SH3BP5: variants seen among roughly 807,000 people sequenced by gnomAD.
The protein encoded by SH3BP5 is SH3 domain-binding protein 5.
Under a neutral mutation model 43.3 loss-of-function variants are expected in SH3BP5, and 22 were observed. The ratio of observed to expected loss-of-function variants is 0.51; its 90% confidence interval spans 0.36 to 0.73. SH3BP5 has a LOEUF of 0.73. Among genes scored for constraint, SH3BP5 ranks in the 30% least tolerant of loss-of-function variants. The pLI is 0.00. For missense variants in SH3BP5, 529 were observed against 586.9 expected (o/e 0.90, Z 1.02); for synonymous variants, 255 against 225.8 (o/e 1.13, Z -1.16).
chr3:15,316,224 T>TTTA (rs1698181812), intron 2 of SH3BP5, among the ~76,000 whole-genome samples: 1 of 142,792 alleles, frequency 7.0e-6, no homozygotes, highest in Admixed American at 6.9e-5. Context: ...ACTCGCTTTT[T>TTTA]TTTTTTTTTT....
At chr3:15,327,603 C>T (rs191545127) in intron 2 of SH3BP5, among the ~76,000 whole-genome samples, 3 of 152,296 alleles carry the variant, frequency 2.0e-5, no homozygotes, top group African/African-American at 7.2e-5. Context: ...CTTACTGTAG[C>T]TATTACCACC....
intron 3 of SH3BP5, among the ~76,000 whole-genome samples, chr3:15,277,961 C>T (rs192722505): frequency 0.012 from 1,793 of 152,202 alleles, 20 homozygotes; most frequent in Non-Finnish European, 0.015. Flanking sequence ...GCAGGCTCTG[C>T]GTGAGGTGAG....
At chr3:15,333,627 A>G (rs538984829), upstream of SH3BP5, among the ~76,000 whole-genome samples, 2 of 152,316 alleles carry the variant, frequency 1.3e-5, no homozygotes, top group East Asian at 3.9e-4. Context: ...CAATACAGCC[A>G]GACCCCTTCT....
chr3:15,259,840 T>A, intron 5 of SH3BP5, 37 bp from the exon 6 acceptor site: 1 of 1,598,674 alleles, frequency 6.3e-7, no homozygotes, highest in Non-Finnish European at 8.6e-7. Flanking sequence ...CAGAGTAATA[T>A]AATACAGTGA....
In SH3BP5 at chr3:15,332,336, C is replaced by T; in HGVS notation, c.73G>A (p.Glu25Lys). 1 of 1,544,158 alleles carries T rather than the reference C, an allele frequency of 6.5e-7. No individual in the cohort carries two copies. ...TGCTCCATCCCCTCTTCCTCCTCCT[C>T]CTCCTCGTCCCGGGCAGGCGGCAGG... Reference protein sequence around the residue: ...EILPPARDEEEEEEEGMEQGL... With the variant: ...EILPPARDEEKEEEEGMEQGL... Residue 25 changes from glutamate to lysine, a missense_variant, in exon 1 of 9, where the codon GAG (glutamate) becomes AAG (lysine). Glu to Lys is a moderately conservative substitution (Grantham distance 56). This residue lies in a region of SH3BP5 where 75 missense variants were observed against 61.8 expected (regional missense o/e 1.21). Coordinates refer to ENST00000383791, the MANE Select transcript of SH3BP5 (RefSeq NM_004844.5).
chr3:15,273,964 C>T (rs980048760), intron 3 of SH3BP5, among the ~76,000 whole-genome samples: 1 of 152,152 alleles, frequency 6.6e-6, no homozygotes. Flanking sequence ...ACCTATGGGC[C>T]GGGCATGGTG....
At chr3:15,294,298 T>TGC (rs2125098281) in intron 3 of SH3BP5, among the ~76,000 whole-genome samples, 1 of 130,222 alleles carries the variant, frequency 7.7e-6, no homozygotes, top group South Asian at 2.3e-4. Context: ...TAAGTGTGTG[T>TGC]GTGTGTGTGT....
upstream of SH3BP5, among the ~76,000 whole-genome samples, chr3:15,334,732 C>T (rs1302179828): frequency 6.6e-6 from 1 of 152,022 alleles, no homozygotes. Context: ...GGGTGGGTTG[C>T]TTGAGCTCAG....
chr3:15,296,718 G>T (rs1219823019), intron 3 of SH3BP5, among the ~76,000 whole-genome samples: 1 of 91,584 alleles, frequency 1.1e-5, no homozygotes. Flanking sequence ...TTTTGAGACA[G>T]GGTCTCACTC....
chr3:15,259,825 G>A, intron 5 of SH3BP5, 22 bp from the exon 6 acceptor site: 1 of 1,607,864 alleles, frequency 6.2e-7, no homozygotes, highest in Non-Finnish European at 8.5e-7. Flanking sequence ...AGGAAGGAAA[G>A]CCATCAGAGT....
At chr3:15,306,958 C>A (rs1006616734) in intron 2 of SH3BP5, among the ~76,000 whole-genome samples, 10 of 152,164 alleles carry the variant, frequency 6.6e-5, no homozygotes, top group Admixed American at 5.2e-4. Context: ...CAGGTGTGAG[C>A]CACGGCACCC....
chr3:15,334,999 G>A (rs1698684095), upstream of SH3BP5, among the ~76,000 whole-genome samples: 1 of 151,980 alleles, frequency 6.6e-6, no homozygotes, highest in South Asian at 2.1e-4. Context: ...GGGGCCAGAT[G>A]TGGTGGCTCA....
chr3:15,328,605 T>A lies in SH3BP5; in HGVS notation c.201+1899A>T, dbSNP rs138789698. Among the ~76,000 whole-genome samples the A allele has an allele frequency of 1.9e-3, 282 of 152,192 alleles. 4 individuals carry two copies. Among genetic ancestry groups the A allele is most frequent in the African/African-American group, 6.3e-3 (261 of 41,516 alleles). On this transcript the variant is annotated intron_variant, in intron 2 of 8. Coordinates refer to ENST00000383791, the MANE Select transcript of SH3BP5 (RefSeq NM_004844.5). ...GATATGAAAAATTAGCCAGGTATGGTGGCATGCACCTGTAGTCTCAGCTAC... is the reference window on the plus strand; with the variant it reads ...GATATGAAAAATTAGCCAGGTATGGAGGCATGCACCTGTAGTCTCAGCTAC...
At chr3:15,327,510 G>T (rs892064989) in intron 2 of SH3BP5, among the ~76,000 whole-genome samples, 1 of 152,202 alleles carries the variant, frequency 6.6e-6, no homozygotes, top group Non-Finnish European at 1.5e-5. Flanking sequence ...CACTCCACCT[G>T]TTCTTCTGCA....
chr3:15,337,686 G>A (rs542721548), intron 1 of SH3BP5, among the ~76,000 whole-genome samples: 3 of 151,918 alleles, frequency 2.0e-5, no homozygotes, highest in Admixed American at 6.6e-5. Context: ...GAGGAGGATC[G>A]CTTGAGGCCA....
chr3:15,325,565 A>T (rs1451165114), intron 2 of SH3BP5, among the ~76,000 whole-genome samples: 1 of 152,220 alleles, frequency 6.6e-6, no homozygotes, highest in Non-Finnish European at 1.5e-5. Flanking sequence ...TATACATCAG[A>T]TAACCTACCA....
At chr3:15,270,925 C>CAAAA (rs36096504) in intron 3 of SH3BP5, among the ~76,000 whole-genome samples, 1 of 98,408 alleles carries the variant, frequency 1.0e-5, no homozygotes, top group African/African-American at 4.5e-5. Context: ...GACTCCATCT[C>CAAAA]AAAAAAAAAA....
At chr3:15,328,220 G>A (rs1698513299) in intron 2 of SH3BP5, among the ~76,000 whole-genome samples, 1 of 152,104 alleles carries the variant, frequency 6.6e-6, no homozygotes, top group South Asian at 2.1e-4. Context: ...CCTGTCTGGT[G>A]GCTTCCTGTG....
rs1696164792 is a variant in SH3BP5, at chr3:15,255,563, T to C, written c.*523A>G. 2 of 152,672 alleles carry C rather than the reference T, an allele frequency of 1.3e-5. No homozygotes were observed. Among genetic ancestry groups the C allele is most frequent in the African/African-American group, 4.8e-5 (2 of 41,434 alleles). The allele number at this position is 152,672 out of a possible 1,614,324, so 9.5% of individuals were successfully genotyped here. A position where few individuals can be genotyped will look rare whatever the true frequency, so the allele number is the denominator to read the frequency against. ...GAACACCAGAGGTGGTGAAAATGAA[T>C]TGTGTTCTTGGATTTTTTTTTTTTT... On this transcript the variant is annotated 3_prime_UTR_variant, in exon 9 of 9. Coordinates refer to ENST00000383791, the MANE Select transcript of SH3BP5 (RefSeq NM_004844.5).
Sources: allele counts gnomAD v4.1 joint callset (sites outside exome capture counted in the v4.1 genomes callset), GRCh38; gene constraint gnomAD v4.1.1; regional missense constraint gnomAD v4.1.1; transcripts MANE v1.5; gene names NCBI Gene and HGNC (gene_info 2026-07-23, HGNC 2026-07-21).